The following MAP2K4 variants were observed in gnomAD, a reference collection of about 807,000 sequenced individuals.
The protein encoded by MAP2K4 is mitogen-activated protein kinase kinase 4.
MAP2K4 carries 4 observed loss-of-function variants against 48.5 expected under a neutral mutation model. That is an observed-to-expected ratio of 0.08 (90% confidence interval 0.04 to 0.19). MAP2K4 has a LOEUF of 0.19. MAP2K4 is among the 10% of genes least tolerant of loss of function. MAP2K4 has a pLI of 1.00. For synonymous variants in MAP2K4, 166 were observed against 173.1 expected, an observed-to-expected ratio of 0.96 and a Z score of 0.32; for missense variants, 258 against 493.3, an observed-to-expected ratio of 0.52 and a Z score of 4.52.
intron 4 of MAP2K4, among the ~76,000 whole-genome samples, chr17:12,098,527 A>G (rs1490839583): frequency 2.0e-5 from 3 of 151,688 alleles, no homozygotes; most frequent in Non-Finnish European, 4.4e-5. Flanking sequence ...ATATTTTCAT[A>G]TATATGTAAG....
chr17:12,104,049 T>A (rs1972029367), intron 4 of MAP2K4, among the ~76,000 whole-genome samples: 1 of 152,230 alleles, frequency 6.6e-6, no homozygotes, highest in Admixed American at 6.5e-5. Flanking sequence ...ATACAGTTAC[T>A]AAATTTAATG....
intron 7 of MAP2K4, among the ~76,000 whole-genome samples, chr17:12,117,520 T>C (rs1435027293): frequency 6.6e-6 from 1 of 152,176 alleles, no homozygotes; most frequent in Non-Finnish European, 1.5e-5. Context: ...ATGGCATGTA[T>C]GCAGGCAAGA....
At chr17:12,111,099 C>T (rs1332759720) in intron 6 of MAP2K4, among the ~76,000 whole-genome samples, 2 of 152,138 alleles carry the variant, frequency 1.3e-5, no homozygotes, top group African/African-American at 2.4e-5. Context: ...TGAGGAAACA[C>T]ACCGAATCAC....
At chr17:12,126,921 C>G (rs1972872842) in intron 8 of MAP2K4, among the ~76,000 whole-genome samples, 1 of 152,058 alleles carries the variant, frequency 6.6e-6, no homozygotes, top group South Asian at 2.1e-4. Context: ...CAGGCCAATC[C>G]TCTTCTTTCA....
At position 12,061,089 on chromosome 17, in the gene MAP2K4, C is replaced by T. The variant is rs1970437326; in HGVS notation, c.218+6098C>T. 2.0e-5 allele frequency among the ~76,000 whole-genome samples: 3 copies of T among 152,132 alleles called. No individual in the cohort carries two copies. The South Asian group carries it at 6.2e-4, about 32-fold the overall frequency. On this transcript the variant is annotated intron_variant, in intron 2 of 10. Coordinates refer to ENST00000353533, the MANE Select transcript of MAP2K4 (RefSeq NM_003010.4). ...ATAACAATATTTATTTTGTGTCTAGCTTATCTCATTCAAAATAATGTCTTC... is the reference window on the plus strand; with the variant it reads ...ATAACAATATTTATTTTGTGTCTAGTTTATCTCATTCAAAATAATGTCTTC...
At chr17:12,061,081 G>A (rs1258106674) in intron 2 of MAP2K4, among the ~76,000 whole-genome samples, 3 of 151,966 alleles carry the variant, frequency 2.0e-5, no homozygotes, top group Non-Finnish European at 4.4e-5. Context: ...TATTTATTTT[G>A]TGTCTAGCTT....
chr17:12,068,110 A>G (rs187611544), intron 2 of MAP2K4, among the ~76,000 whole-genome samples: 55 of 152,288 alleles, frequency 3.6e-4, no homozygotes, highest in African/African-American at 1.3e-3. Flanking sequence ...TCAACTTGTC[A>G]TGGAATGGAA....
intron 5 of MAP2K4, among the ~76,000 whole-genome samples, chr17:12,108,138 C>T (rs148572521): frequency 6.6e-6 from 1 of 152,206 alleles, no homozygotes; most frequent in Non-Finnish European, 1.5e-5. Context: ...TGAGTCATAA[C>T]AGACTGTTCT....
chr17:12,032,808 C>T (rs1466769236), intron 1 of MAP2K4, among the ~76,000 whole-genome samples: 1 of 152,106 alleles, frequency 6.6e-6, no homozygotes, highest in African/African-American at 2.4e-5. Flanking sequence ...TAATACAAAA[C>T]AGACTTTCTA....
intron 7 of MAP2K4, among the ~76,000 whole-genome samples, chr17:12,113,931 A>G (rs1184391368): frequency 6.6e-6 from 1 of 152,164 alleles, no homozygotes; most frequent in African/African-American, 2.4e-5. Context: ...CAGTGTTCCT[A>G]CAGCCTGGAT....
In MAP2K4 at chr17:12,136,103, C is replaced by T. The variant is rs185230135; in HGVS notation, c.1041-3736C>T. 6.6e-5 allele frequency among the ~76,000 whole-genome samples: 10 copies of T among 152,242 alleles called. No individual in the cohort carries two copies. The East Asian group carries it at 1.9e-3, about 29-fold the overall frequency. Reference sequence around the variant, plus strand: ...TGGAAAGATATGCTCCTCTTGCCCCCAGTTGATGGGCAGAAGCAAAAGCAA... The same window carrying T: ...TGGAAAGATATGCTCCTCTTGCCCCTAGTTGATGGGCAGAAGCAAAAGCAA... On this transcript the variant is annotated intron_variant, in intron 9 of 10. Transcript: ENST00000353533.
intron 1 of MAP2K4, among the ~76,000 whole-genome samples, chr17:12,035,347 G>A (rs1202997317): frequency 1.3e-5 from 2 of 152,136 alleles, no homozygotes; most frequent in South Asian, 2.1e-4. Context: ...GAGAAACCCC[G>A]CCTCTACTAA....
intron 2 of MAP2K4, among the ~76,000 whole-genome samples, chr17:12,078,633 C>T (rs950315719): frequency 2.0e-5 from 3 of 152,042 alleles, no homozygotes; most frequent in African/African-American, 7.2e-5. Flanking sequence ...TAATTGTAGG[C>T]AAATATTTAT....
At chr17:12,108,916 ATTAGT>A (rs1248734490) in intron 5 of MAP2K4, among the ~76,000 whole-genome samples, 5 of 152,054 alleles carry the variant, frequency 3.3e-5, no homozygotes, top group African/African-American at 4.8e-5. Context: ...TTTTACAATG[ATTAGT>A]TTAGCCATCT....
chr17:12,094,996 C>A (rs898111637), intron 3 of MAP2K4, among the ~76,000 whole-genome samples: 1 of 152,144 alleles, frequency 6.6e-6, no homozygotes, highest in African/African-American at 2.4e-5. Flanking sequence ...AGGACAGAGT[C>A]CCAATCTAGG....
chr17:12,136,594 G>A (rs935965778), intron 9 of MAP2K4, among the ~76,000 whole-genome samples: 2 of 152,116 alleles, frequency 1.3e-5, no homozygotes, highest in African/African-American at 2.4e-5. Context: ...GTTTGCTAAC[G>A]GCTACCTTAT....
chr17:12,126,292 G>T (rs1972850748), intron 8 of MAP2K4, among the ~76,000 whole-genome samples: 1 of 152,188 alleles, frequency 6.6e-6, no homozygotes, highest in Non-Finnish European at 1.5e-5. Context: ...TTTGCAACAA[G>T]CAAGCGCAAT....
intron 5 of MAP2K4, among the ~76,000 whole-genome samples, chr17:12,108,244 A>G (rs1424146792): frequency 3.3e-5 from 5 of 152,130 alleles, no homozygotes; most frequent in Non-Finnish European, 7.4e-5. Flanking sequence ...TCCTGAAATT[A>G]ATCAGAATCA....
At chr17:12,108,035 C>A in intron 5 of MAP2K4, 126 bp downstream of exon 5, 1 of 868,220 alleles carries the variant, frequency 1.2e-6, no homozygotes, top group Non-Finnish European at 1.7e-6. Context: ...TAGTTAATAA[C>A]CAGAGACAAA....
Sources: gnomAD v4.1 joint callset for allele counts (sites outside exome capture counted in the v4.1 genomes callset) on GRCh38, gnomAD v4.1.1 for gene constraint, MANE v1.5 for transcripts, NCBI Gene and HGNC (gene_info 2026-07-23, HGNC 2026-07-21) for gene names.